IGFBP7: variants seen among roughly 807,000 people sequenced by gnomAD.
The protein encoded by IGFBP7 is insulin-like growth factor-binding protein 7.
IGFBP7 carries 31 observed loss-of-function variants against 29.4 expected under a neutral mutation model. The observed-to-expected ratio is 1.05, with a 90% CI of 0.79 to 1.42. The LOEUF (loss-of-function observed/expected upper bound fraction) is 1.42. Ranked by LOEUF, IGFBP7 falls within the 40% of genes most tolerant of loss-of-function variation. The pLI is 0.00. For missense variants in IGFBP7, 393 were observed against 395.5 expected (o/e 0.99, Z 0.05); for synonymous variants, 172 against 174.9 (o/e 0.98, Z 0.13).
intron 1 of IGFBP7, among the ~76,000 whole-genome samples, chr4:57,109,385 C>T (rs1259128233): frequency 6.6e-6 from 1 of 152,060 alleles, no homozygotes; most frequent in African/African-American, 2.4e-5. Flanking sequence ...GGGCCAAGAT[C>T]GTGCCACTGC....
intron 1 of IGFBP7, among the ~76,000 whole-genome samples, chr4:57,063,491 T>G (rs1724846314): frequency 6.6e-6 from 1 of 152,238 alleles, no homozygotes. Context: ...ATACACAGTT[T>G]AGTATTTTCC....
intron 1 of IGFBP7, among the ~76,000 whole-genome samples, chr4:57,060,986 G>A (rs1209328675): frequency 6.6e-6 from 1 of 152,014 alleles, no homozygotes; most frequent in Non-Finnish European, 1.5e-5. Flanking sequence ...GTTTGAGGCT[G>A]TAGTGCCTGT....
At chr4:57,064,204 T>G (rs557005778) in intron 1 of IGFBP7, among the ~76,000 whole-genome samples, 1 of 152,236 alleles carries the variant, frequency 6.6e-6, no homozygotes, top group Non-Finnish European at 1.5e-5. Flanking sequence ...AAAAATAAAA[T>G]TTAGCTGGGT....
At chr4:57,050,646 T>C (rs7672518) in intron 1 of IGFBP7, among the ~76,000 whole-genome samples, 14,282 of 151,380 alleles carry the variant, frequency 0.094, 819 homozygotes, top group African/African-American at 0.15. Context: ...CCTAGTCTCA[T>C]GGGTCCTTCT....
chr4:57,063,053 G>T (rs1466235620), intron 1 of IGFBP7, among the ~76,000 whole-genome samples: 2 of 152,094 alleles, frequency 1.3e-5, no homozygotes, highest in Non-Finnish European at 2.9e-5. Flanking sequence ...TGAACTTGCT[G>T]TGGCTCCTCA....
chr4:57,068,081 C>A (rs750157046), intron 1 of IGFBP7, among the ~76,000 whole-genome samples: 2 of 151,968 alleles, frequency 1.3e-5, no homozygotes, highest in Non-Finnish European at 2.9e-5. Flanking sequence ...AGTCACAGCA[C>A]TTTGGGAGGC....
At chr4:57,089,868 C>T (rs1725592534) in intron 1 of IGFBP7, among the ~76,000 whole-genome samples, 1 of 152,130 alleles carries the variant, frequency 6.6e-6, no homozygotes, top group South Asian at 2.1e-4. Context: ...TTCTCTATTC[C>T]TTCTAAATGT....
rs533757997 is a variant in IGFBP7, at chr4:57,100,035, C to A, written c.475+9842G>T. ...ATAGGCATGAGCCACTGTGCCCTGC[C>A]AGGCTCTACGTTTCTTATTTCTTTT... On this transcript the variant is annotated intron_variant, in intron 1 of 4. Coordinates refer to ENST00000295666, the MANE Select transcript of IGFBP7 (RefSeq NM_001553.3). Among the ~76,000 whole-genome samples the A allele has an allele frequency of 1.9e-4, 29 of 150,718 alleles. 1 individual carries two copies. The South Asian group carries it at 6.1e-3, about 32-fold the overall frequency.
Position 57,033,430 on chromosome 4 carries a change from G to A in IGFBP7, c.586-119C>T, listed in dbSNP as rs1182555499. The A allele has an allele frequency of 6.5e-6, 5 of 765,854 alleles. No individual in the cohort carries two copies. In the East Asian group the frequency reaches 7.3e-5, roughly 11 times the overall value. 47.4% of individuals were successfully genotyped at this position (765,854 alleles called of 1,614,324 possible). On this transcript the variant is annotated intron_variant, in intron 2 of 4. Transcript: ENST00000295666. ...CAGACTTTCTAACAGAGTAAACCCA[G>A]CATTTCACTGAACTATTTCCCTTTC...
chr4:57,100,077 T>TTTC (rs577192996), intron 1 of IGFBP7, among the ~76,000 whole-genome samples: 27 of 144,368 alleles, frequency 1.9e-4, no homozygotes, highest in African/African-American at 6.4e-4. Flanking sequence ...CTTTCTTTTT[T>TTTC]TTTTTTTTTT....
chr4:57,044,318 T>A (rs144677331), intron 1 of IGFBP7, among the ~76,000 whole-genome samples: 1 of 152,174 alleles, frequency 6.6e-6, no homozygotes, highest in Non-Finnish European at 1.5e-5. Flanking sequence ...ATGCTATGGA[T>A]TTTTCCCATG....
At chr4:57,100,246 T>A (rs1725864667) in intron 1 of IGFBP7, among the ~76,000 whole-genome samples, 1 of 151,980 alleles carries the variant, frequency 6.6e-6, no homozygotes, top group African/African-American at 2.4e-5. Flanking sequence ...ATTAACAATT[T>A]CATTTTTATT....
intron 1 of IGFBP7, among the ~76,000 whole-genome samples, chr4:57,062,124 G>A (rs1724814380): frequency 1.3e-5 from 2 of 152,254 alleles, no homozygotes; most frequent in East Asian, 3.9e-4. Flanking sequence ...CATGAATTTA[G>A]GTTTTCTGAG....
At chr4:57,081,106 C>T (rs1725356339) in intron 1 of IGFBP7, among the ~76,000 whole-genome samples, 1 of 152,152 alleles carries the variant, frequency 6.6e-6, no homozygotes, top group Admixed American at 6.5e-5. Flanking sequence ...AGTGAAGATC[C>T]CAACCTGGGT....
At position 57,054,639 on chromosome 4, in the gene IGFBP7, C is replaced by CAAAAAAAAA. The variant is rs75161514; in HGVS notation, c.476-13715_476-13707dup. 4.3e-3 allele frequency among the ~76,000 whole-genome samples: 119 copies of CAAAAAAAAA among 27,648 alleles called. 2 individuals are homozygous for CAAAAAAAAA. The highest frequency in any genetic ancestry group is 9.5e-3 in the East Asian group (4 of 422). 18.1% of individuals were successfully genotyped at this position (27,648 alleles called of 152,430 possible). On this transcript the variant is annotated intron_variant, in intron 1 of 4. Coordinates refer to ENST00000295666, the MANE Select transcript of IGFBP7 (RefSeq NM_001553.3). ...GGCGACAGAGCGAGGCTCTCTCTCACAAAAAAAAAAAAAAAAAAAAAAAAA... is the reference window on the plus strand; with the variant it reads ...GGCGACAGAGCGAGGCTCTCTCTCACAAAAAAAAAAAAAAAAAAAAAAAAAAAAAAAAAA...
chr4:57,060,893 T>C (rs1481981201), intron 1 of IGFBP7, among the ~76,000 whole-genome samples: 1 of 151,928 alleles, frequency 6.6e-6, no homozygotes, highest in Non-Finnish European at 1.5e-5. Flanking sequence ...CTCTCCAGCC[T>C]GAGTGACGGG....
chr4:57,040,551 A>G (rs1724195777), intron 2 of IGFBP7, among the ~76,000 whole-genome samples: 1 of 152,180 alleles, frequency 6.6e-6, no homozygotes, highest in South Asian at 2.1e-4. Context: ...TACACACACC[A>G]CAGGTGCACA....
intron 1 of IGFBP7, among the ~76,000 whole-genome samples, chr4:57,097,262 T>C (rs1725783625): frequency 6.6e-6 from 1 of 152,244 alleles, no homozygotes; most frequent in Non-Finnish European, 1.5e-5. Context: ...AAATATTTTA[T>C]GCTGCAAAGC....
At position 57,110,242 on chromosome 4, in the gene IGFBP7, G is replaced by C. The variant is rs1457691209; in HGVS notation, c.110C>G (p.Pro37Arg). 6.5e-6 allele frequency: 9 copies of C among 1,390,440 alleles called. No individual in the cohort carries two copies. Among genetic ancestry groups the C allele is most frequent in the Non-Finnish European group, 2.8e-6 (3 of 1,074,752 alleles). The allele number at this position is 1,390,440 out of a possible 1,614,324, so 86.1% of individuals were successfully genotyped here. A position where few individuals can be genotyped will look rare whatever the true frequency, so the allele number is the denominator to read the frequency against. Residue 37 changes from proline (P) to arginine (R), a missense_variant, in exon 1 of 5, where the codon CCG (proline) becomes CGG (arginine). Physicochemically the swap from Pro to Arg is moderately radical, Grantham distance 103. Transcript: ENST00000295666. ...CGGGGGCAGGGGCGGGCAGGAGGCC[G>C]GCTCGCAGGGGCCGCAGGTGTCCGA... ...SSSDTCGPCE[P>R]ASCPPLPPLG... is the part of the protein sequence containing the mutation.
Sources: gnomAD v4.1 joint callset for allele counts (sites outside exome capture counted in the v4.1 genomes callset) on GRCh38, gnomAD v4.1.1 for gene constraint, MANE v1.5 for transcripts, NCBI Gene and HGNC (gene_info 2026-07-23, HGNC 2026-07-21) for gene names.